Variants in TRIM2 observed in about 807,000 individuals in gnomAD.
The protein encoded by TRIM2 is tripartite motif containing 2.
TRIM2 carries 20 observed loss-of-function variants against 75.2 expected under a neutral mutation model. That is an observed-to-expected ratio of 0.27 (90% CI 0.19 to 0.39). TRIM2 has a LOEUF of 0.39. Ranked by LOEUF, TRIM2 falls within the 10% of genes least tolerant of loss-of-function variation. The pLI, the probability that TRIM2 is intolerant of heterozygous loss-of-function variation, is 1.00. For synonymous variants in TRIM2, 373 were observed against 388.3 expected, an observed-to-expected ratio of 0.96 and a Z score of 0.46; for missense variants, 660 against 990.8, an observed-to-expected ratio of 0.67 and a Z score of 4.48.
At chr4:153,164,846 A>T (rs4696171) in intron 1 of TRIM2, among the ~76,000 whole-genome samples, 48,235 of 152,062 alleles carry the variant, frequency 0.32, 7,865 homozygotes, top group South Asian at 0.43. Flanking sequence ...TACTAGGACC[A>T]TGTAAATATT....
Position 153,276,081 on chromosome 4 carries a change from C to T in TRIM2, c.404C>T (p.Thr135Ile). The change falls in exon 3 of 12, where the codon ACT becomes ATT. Residue 135 changes from threonine to isoleucine, a missense_variant. Physicochemically the swap from Thr to Ile is moderately conservative, Grantham distance 89. This residue lies in a region of TRIM2 where 620 missense variants were observed against 891.0 expected (regional missense o/e 0.70). Transcript: ENST00000338700. ...AEESSILETV[T>I]AVAAGKPLSC... is the part of the protein sequence containing the mutation. ...GAGTCTTCCATCCTGGAGACAGTCA[C>T]TGCTGTGGCTGCGGGAAAGCCTCTC... 6.2e-7 allele frequency: 1 copy of T among 1,614,252 alleles called. No homozygotes were observed.
In TRIM2 at chr4:153,336,195, CAG is replaced by C; in HGVS notation, c.*1231_*1232del. 1.0e-6 allele frequency: 1 copy of C among 985,310 alleles called. No individual in the cohort carries two copies. The highest frequency in any genetic ancestry group is 4.7e-5 in the South Asian group (1 of 21,266). 61.0% of individuals were successfully genotyped at this position (985,310 alleles called of 1,614,324 possible). On this transcript the variant is annotated 3_prime_UTR_variant, in exon 12 of 12. Coordinates refer to ENST00000338700, the MANE Select transcript of TRIM2 (RefSeq NM_015271.5). ...TTGAAATAGGCAGCACTCTGAAAGA[CAG>C]AAGCTTCGTCCAGCCACTCTTCAGC...
chr4:153,285,319 A>C (rs1025897278), intron 3 of TRIM2, among the ~76,000 whole-genome samples: 3 of 152,084 alleles, frequency 2.0e-5, no homozygotes, highest in Non-Finnish European at 2.9e-5. Context: ...CCAGTACTAC[A>C]TTGTTTTGAT....
chr4:153,250,453 C>T (rs1041063645), intron 1 of TRIM2, among the ~76,000 whole-genome samples: 4 of 152,080 alleles, frequency 2.6e-5, no homozygotes, highest in Admixed American at 6.6e-5. Context: ...TACAGAACTC[C>T]CTATCAAGAG....
chr4:153,262,259 T>G (rs1753766264), intron 1 of TRIM2, among the ~76,000 whole-genome samples: 1 of 151,936 alleles, frequency 6.6e-6, no homozygotes, highest in African/African-American at 2.4e-5. Flanking sequence ...CAAATCAGAC[T>G]CCCCCAAAAT....
Position 153,294,300 on chromosome 4 carries a change from A to AC in TRIM2, c.606-3dup. 6.2e-7 allele frequency: 1 copy of AC among 1,613,932 alleles called. No homozygotes were observed. The highest frequency in any genetic ancestry group is 8.5e-7 in the Non-Finnish European group (1 of 1,179,866). ...AAATAACGACCTTTAACAACTGTCC[A>AC]CCAGGCTCCCAGAAATAGATTCTGC... On this transcript the variant is annotated splice_polypyrimidine_tract_variant and splice_region_variant and intron_variant, in intron 4 of 11. Transcript: ENST00000338700.
rs114577610 is a variant in TRIM2 at position 153,295,525 on chromosome 4, G to A, written c.999G>A (p.Glu333=). 82 of 1,613,604 alleles carry A rather than the reference G, an allele frequency of 5.1e-5. 1 individual carries two copies. The East Asian group carries it at 1.7e-3, about 34-fold the overall frequency. The change falls in exon 6 of 12, where the codon GAG becomes GAA. Residue 333 remains glutamate (E), a synonymous_variant. Coordinates refer to ENST00000338700, the MANE Select transcript of TRIM2 (RefSeq NM_015271.5). The surrounding 1 kb of genome is among the most constrained non-coding windows in gnomAD (Gnocchi z 7.2). ...NDQLDFIVET[E]GLKKSIHNLG... is the part of the protein sequence containing the mutation. Reference sequence around the variant, plus strand: ...AGCTGGATTTCATCGTGGAAACCGAGGGGCTGAAGAAGTCCATCCACAACC... The same window carrying A: ...AGCTGGATTTCATCGTGGAAACCGAAGGGCTGAAGAAGTCCATCCACAACC...
intron 1 of TRIM2, among the ~76,000 whole-genome samples, chr4:153,269,674 G>A (rs1057443912): frequency 2.0e-5 from 3 of 152,100 alleles, no homozygotes; most frequent in Admixed American, 6.5e-5. Flanking sequence ...ATGGCTAAAG[G>A]CATAAGCAGA....
intron 6 of TRIM2, among the ~76,000 whole-genome samples, chr4:153,307,128 G>A (rs1021937926): frequency 6.6e-6 from 1 of 152,194 alleles, no homozygotes; most frequent in African/African-American, 2.4e-5. Context: ...ATAGCTTAGA[G>A]CATCTGTTGA....
chr4:153,244,203 T>C (rs1578881456), intron 1 of TRIM2, among the ~76,000 whole-genome samples: 1 of 131,752 alleles, frequency 7.6e-6, no homozygotes, highest in African/African-American at 2.9e-5. Context: ...TTCTCCTCCT[T>C]TTCCTTCTCC....
chr4:153,229,032 G>A (rs953040302), intron 1 of TRIM2, among the ~76,000 whole-genome samples: 1 of 152,138 alleles, frequency 6.6e-6, no homozygotes, highest in Admixed American at 6.5e-5. Context: ...GGGAGTGAGG[G>A]TACGTGGGGC....
chr4:153,297,341 G>A (rs1365192306), intron 6 of TRIM2, among the ~76,000 whole-genome samples: 2 of 152,106 alleles, frequency 1.3e-5, no homozygotes, highest in South Asian at 2.1e-4. Flanking sequence ...ACTGGGAGGC[G>A]CCCAGGTCTG....
chr4:153,308,868 A>T (rs960625201), intron 6 of TRIM2, among the ~76,000 whole-genome samples: 2 of 152,078 alleles, frequency 1.3e-5, no homozygotes, highest in African/African-American at 2.4e-5. Flanking sequence ...TCTGCAAACT[A>T]CCACCTTTCC....
intron 1 of TRIM2, among the ~76,000 whole-genome samples, chr4:153,184,719 G>A (rs929549745): frequency 1.3e-5 from 2 of 152,204 alleles, no homozygotes; most frequent in Non-Finnish European, 2.9e-5. Context: ...GGAAAACTCA[G>A]TCTTCAGAGT....
At chr4:153,152,901 T>C (rs558005461), upstream of TRIM2, among the ~76,000 whole-genome samples, 1 of 152,354 alleles carries the variant, frequency 6.6e-6, no homozygotes, top group South Asian at 2.1e-4. Context: ...AAGTGGTCTC[T>C]GGAGAATTCC....
intron 1 of TRIM2, among the ~76,000 whole-genome samples, chr4:153,260,784 G>A (rs2149984022): frequency 7.0e-6 from 1 of 143,434 alleles, no homozygotes; most frequent in East Asian, 2.1e-4. Flanking sequence ...AATGCATCTA[G>A]CCTTCTGATT....
intron 6 of TRIM2, among the ~76,000 whole-genome samples, chr4:153,299,054 T>C (rs114552102): frequency 0.019 from 2,918 of 152,270 alleles, 81 homozygotes; most frequent in African/African-American, 0.067. Context: ...ATATTAACTA[T>C]AGTCACCATG....
intron 8 of TRIM2, among the ~76,000 whole-genome samples, chr4:153,316,617 T>C (rs1481017343): frequency 6.6e-6 from 1 of 152,148 alleles, no homozygotes; most frequent in Non-Finnish European, 1.5e-5. Context: ...AAAATGGAAG[T>C]GGAGCTACAC....
intron 5 of TRIM2, 142 bp downstream of exon 5, chr4:153,294,627 G>A: frequency 1.1e-6 from 1 of 921,866 alleles, no homozygotes; most frequent in Non-Finnish European, 1.5e-6. Context: ...GTAATATCCA[G>A]CTATTTTTTC....
Sources: gnomAD v4.1 joint callset for allele counts (sites outside exome capture counted in the v4.1 genomes callset) on GRCh38, gnomAD v4.1.1 for gene constraint, gnomAD v4.1.1 regional missense constraint, Gnocchi (gnomAD v3.1) non-coding constraint, MANE v1.5 for transcripts, NCBI Gene and HGNC (gene_info 2026-07-23, HGNC 2026-07-21) for gene names.